Variants in ITGA1 observed in about 807,000 individuals in gnomAD.
The protein encoded by ITGA1 is integrin alpha-1.
Under a neutral mutation model 145.9 loss-of-function variants are expected in ITGA1, and 85 were observed. That is an observed-to-expected ratio of 0.58 (90% CI 0.49 to 0.70). The LOEUF (loss-of-function observed/expected upper bound fraction) is 0.70, where lower values mean the gene tolerates loss of function less well. ITGA1 is among the 30% of genes least tolerant of loss of function. The probability of loss-of-function intolerance (pLI) is 0.00; values close to 1 mark genes in which losing one functional copy is unlikely to be tolerated. For synonymous variants in ITGA1, 520 were observed against 495.3 expected, an observed-to-expected ratio of 1.05 and a Z score of -0.66; for missense variants, 1,351 against 1,418.7, an observed-to-expected ratio of 0.95 and a Z score of 0.77.
chr5:52,872,932 A>C lies in ITGA1; in HGVS notation c.624+7115A>C, dbSNP rs1749801146. ...GAGAGCACATTTCCTTACTGCTCTT[A>C]TCACTCAGTAGCATTGCTCTTTGTT... On this transcript the variant is annotated intron_variant, in intron 6 of 28. Coordinates refer to ENST00000282588, the MANE Select transcript of ITGA1 (RefSeq NM_181501.2). Among the ~76,000 whole-genome samples, 2 of 152,182 alleles carry C rather than the reference A, an allele frequency of 1.3e-5. 1 individual carries two copies. Among genetic ancestry groups the C allele is most frequent in the South Asian group, 4.1e-4 (2 of 4,832 alleles).
At chr5:52,826,409 G>A (rs1047727229) in intron 1 of ITGA1, among the ~76,000 whole-genome samples, 37 of 152,252 alleles carry the variant, frequency 2.4e-4, no homozygotes, top group Admixed American at 2.4e-3. Flanking sequence ...AGTGCAAGGT[G>A]AAGCAGCAAG....
At position 52,893,778 on chromosome 5, in the gene ITGA1, C is replaced by G; in HGVS notation, c.1028C>G (p.Ser343Cys). The G allele has an allele frequency of 6.2e-7, 1 of 1,612,754 alleles. No homozygotes were observed. The highest frequency in any genetic ancestry group is 8.5e-7 in the Non-Finnish European group (1 of 1,178,998). ...ACTGAAAAGCATTTCTTCAATGTCT[C>G]TGATGAATTGGCTCTAGTCACCATT... ...EPTEKHFFNVSDELALVTIVK... is the reference protein window; with the variant it reads ...EPTEKHFFNVCDELALVTIVK... Residue 343 changes from serine to cysteine, a missense_variant, in exon 9 of 29, where the codon TCT becomes TGT. Coordinates refer to ENST00000282588, the MANE Select transcript of ITGA1 (RefSeq NM_181501.2).
chr5:52,823,600 CT>C (rs1468286739), intron 1 of ITGA1, among the ~76,000 whole-genome samples: 1 of 152,180 alleles, frequency 6.6e-6, no homozygotes, highest in African/African-American at 2.4e-5. Flanking sequence ...TGGAGGTCCT[CT>C]AACTCCTAAG....
At chr5:52,837,961 A>C (rs891382183) in intron 1 of ITGA1, among the ~76,000 whole-genome samples, 3 of 152,202 alleles carry the variant, frequency 2.0e-5, no homozygotes, top group East Asian at 1.9e-4. Context: ...CAACATTCCA[A>C]GCTACTGAGA....
intron 1 of ITGA1, chr5:52,800,784 C>G: frequency 6.2e-7 from 1 of 1,613,878 alleles, no homozygotes; most frequent in Non-Finnish European, 8.5e-7. Flanking sequence ...AGGCCTGTGA[C>G]CCAGCCTGGA....
At position 52,805,116 on chromosome 5, in the gene ITGA1, T is replaced by G. The variant is rs568104309; in HGVS notation, c.61+16702T>G. ...GAAAGGGGTGACTTTTAGGAGAAAC[T>G]TTATAGAGCAAGGACCAGTAAGTTT... On this transcript the variant is annotated intron_variant, in intron 1 of 28. Transcript: ENST00000282588. Among the ~76,000 whole-genome samples the G allele has an allele frequency of 2.6e-4, 40 of 152,156 alleles. 1 individual carries two copies. The highest frequency in any genetic ancestry group is 3.4e-3 in the Middle Eastern group (1 of 294).
chr5:52,839,219 A>G (rs1442077082), intron 1 of ITGA1, among the ~76,000 whole-genome samples: 1 of 152,238 alleles, frequency 6.6e-6, no homozygotes, highest in Non-Finnish European at 1.5e-5. Context: ...TATAGGTGAT[A>G]CCGTAAGGCA....
chr5:52,828,431 T>C (rs1222200829), intron 1 of ITGA1, among the ~76,000 whole-genome samples: 1 of 152,232 alleles, frequency 6.6e-6, no homozygotes, highest in African/African-American at 2.4e-5. Context: ...TCTTATTATG[T>C]GCTTATTGGC....
At chr5:52,929,565 G>T in intron 20 of ITGA1, 60 bp from the exon 21 acceptor site, 1 of 828,286 alleles carries the variant, frequency 1.2e-6, no homozygotes, top group South Asian at 1.6e-5. Flanking sequence ...TATGGAAATT[G>T]AATATTTTAG....
chr5:52,918,501 T>C (rs1750682583), intron 15 of ITGA1, among the ~76,000 whole-genome samples: 1 of 152,214 alleles, frequency 6.6e-6, no homozygotes. Context: ...AAAAACTAGA[T>C]CTTTGGTGTT....
chr5:52,881,400 G>A (rs1191956749), intron 6 of ITGA1, among the ~76,000 whole-genome samples: 2 of 152,136 alleles, frequency 1.3e-5, no homozygotes, highest in African/African-American at 2.4e-5. Flanking sequence ...CTCAGCTTCT[G>A]AGAAGCCTTC....
chr5:52,826,356 G>C (rs149985190), intron 1 of ITGA1, among the ~76,000 whole-genome samples: 53 of 152,298 alleles, frequency 3.5e-4, no homozygotes, highest in Non-Finnish European at 6.6e-4. Flanking sequence ...AGCAGAGGTT[G>C]GTTCATGAGG....
chr5:52,854,380 A>G (rs1323353770), intron 2 of ITGA1, among the ~76,000 whole-genome samples: 1 of 152,158 alleles, frequency 6.6e-6, no homozygotes, highest in African/African-American at 2.4e-5. Context: ...ATTGCTTCTA[A>G]CGCCTTTTGA....
intron 1 of ITGA1, chr5:52,801,824 G>T: frequency 6.2e-7 from 1 of 1,604,754 alleles, no homozygotes; most frequent in Non-Finnish European, 8.5e-7. Context: ...GGTGATTCCA[G>T]TTCTGAAGAG....
chr5:52,831,203 G>T (rs1749064076), intron 1 of ITGA1, among the ~76,000 whole-genome samples: 1 of 151,900 alleles, frequency 6.6e-6, no homozygotes, highest in Admixed American at 6.6e-5. Flanking sequence ...CGAAATCTTG[G>T]CTCACTGCAA....
intron 13 of ITGA1, among the ~76,000 whole-genome samples, chr5:52,909,322 C>T (rs1385450853): frequency 6.6e-6 from 1 of 151,858 alleles, no homozygotes; most frequent in African/African-American, 2.4e-5. Context: ...TAAATAAACC[C>T]ACAAGGCTTA....
At chr5:52,805,188 G>A (rs1334116156) in intron 1 of ITGA1, among the ~76,000 whole-genome samples, 9 of 152,096 alleles carry the variant, frequency 5.9e-5, no homozygotes, top group African/African-American at 2.2e-4. Flanking sequence ...TGGGAAGATG[G>A]GGAGGGGAAG....
intron 16 of ITGA1, among the ~76,000 whole-genome samples, chr5:52,919,583 T>C (rs527587059): frequency 6.6e-6 from 1 of 152,328 alleles, no homozygotes; most frequent in South Asian, 2.1e-4. Flanking sequence ...AGAAAAGCCA[T>C]TAATCCTTAA....
intron 3 of ITGA1, among the ~76,000 whole-genome samples, chr5:52,862,583 C>T (rs1203127508): frequency 6.6e-6 from 1 of 152,078 alleles, no homozygotes; most frequent in Non-Finnish European, 1.5e-5. Context: ...AACCTGCCCA[C>T]CACATTCCCT....
Sources: gnomAD v4.1 joint callset for allele counts (sites outside exome capture counted in the v4.1 genomes callset) on GRCh38, gnomAD v4.1.1 for gene constraint, MANE v1.5 for transcripts, NCBI Gene and HGNC (gene_info 2026-07-23, HGNC 2026-07-21) for gene names.